The following INPP5A variants were observed in gnomAD, a reference collection of about 807,000 sequenced individuals.
INPP5A encodes the protein inositol polyphosphate-5-phosphatase A, also known as 43 kDa inositol polyphosphate 5-phophatase.
In INPP5A, 14 loss-of-function variants were observed where a neutral mutation model predicts 65.2. That is an observed-to-expected ratio of 0.21 (90% confidence interval 0.14 to 0.34). The LOEUF (loss-of-function observed/expected upper bound fraction) is 0.34. Among genes scored for constraint, INPP5A ranks in the 10% least tolerant of loss-of-function variants. The pLI is 1.00. For missense variants in INPP5A, 431 were observed against 545.6 expected, an observed-to-expected ratio of 0.79 and a Z score of 2.09; for synonymous variants, 207 against 208.3, an observed-to-expected ratio of 0.99 and a Z score of 0.05.
rs2071808171 is a variant in INPP5A, at chr10:132,603,990, GT to G, written c.76-3924del. ...CCTGCGCCGTCAGGGTCCCCTCTCCGTCCCGCCCTGTGCCGTCAGGGTCCCC... is the reference window on the plus strand; with the variant it reads ...CCTGCGCCGTCAGGGTCCCCTCTCCGCCCGCCCTGTGCCGTCAGGGTCCCC... On this transcript the variant is annotated intron_variant, in intron 1 of 15. Coordinates refer to ENST00000368594, the MANE Select transcript of INPP5A (RefSeq NM_005539.5). This position sits in a 1 kb window ranked among gnomAD's most constrained non-coding sequence, Gnocchi z 4.2. Among the ~76,000 whole-genome samples, 7 of 135,706 alleles carry G rather than the reference GT, an allele frequency of 5.2e-5. No homozygotes were observed. Among genetic ancestry groups the G allele is most frequent in the African/African-American group, 1.9e-4 (7 of 36,014 alleles). 89.0% of individuals were successfully genotyped at this position (135,706 alleles called of 152,430 possible).
intron 1 of INPP5A, among the ~76,000 whole-genome samples, chr10:132,602,419 G>A (rs2786903): frequency 0.017 from 2,581 of 151,778 alleles, 75 homozygotes; most frequent in African/African-American, 0.058. Context: ...CTCAGCTCCC[G>A]AGTAGCTGGG....
rs1400919559 is a variant in INPP5A at position 132,782,457 on chromosome 10, G to A, written c.*428G>A. ...TCCAGGGGCTGGGGAAGCCGAGACG[G>A]GCACTCCCTCTGCCGGCCGGCAGCG... On this transcript the variant is annotated 3_prime_UTR_variant, in exon 16 of 16. Transcript: ENST00000368594. The surrounding 1 kb of genome is among the most constrained non-coding windows in gnomAD (Gnocchi z 4.4). 1 of 208,600 alleles carries A rather than the reference G, an allele frequency of 4.8e-6. No homozygotes were observed. Among genetic ancestry groups the A allele is most frequent in the Non-Finnish European group, 9.8e-6 (1 of 101,962 alleles). The allele number at this position is 208,600 out of a possible 1,614,324, so 12.9% of individuals were successfully genotyped here. A position where few individuals can be genotyped will look rare whatever the true frequency, so the allele number is the denominator to read the frequency against.
chr10:132,646,600 G>A lies in INPP5A; in HGVS notation c.218+632G>A, dbSNP rs564432129. Among the ~76,000 whole-genome samples the A allele has an allele frequency of 2.6e-5, 4 of 152,304 alleles. No individual in the cohort carries two copies. The South Asian group carries it at 8.3e-4, about 32-fold the overall frequency. The stretch of plus-strand genomic sequence containing the variant: ...GCTGTATTTTCCCGAGGCCGCAGCC[G>A]TGAAGCCCGCCCTCTGTGTCCCCTA... On this transcript the variant is annotated intron_variant, in intron 3 of 15. Coordinates refer to ENST00000368594, the MANE Select transcript of INPP5A (RefSeq NM_005539.5).
At chr10:132,640,102 G>A (rs1564944729) in intron 2 of INPP5A, among the ~76,000 whole-genome samples, 1 of 152,250 alleles carries the variant, frequency 6.6e-6, no homozygotes, top group African/African-American at 2.4e-5. Flanking sequence ...TGTGGGCCAT[G>A]TTTTCAGATT....
At chr10:132,590,381 G>A (rs1443730496) in intron 1 of INPP5A, among the ~76,000 whole-genome samples, 2 of 152,154 alleles carry the variant, frequency 1.3e-5, no homozygotes, top group African/African-American at 2.4e-5. Context: ...CACTGTCCGC[G>A]CTAGGAGTGC....
chr10:132,716,808 A>G (rs3793669), intron 8 of INPP5A, among the ~76,000 whole-genome samples: 19,328 of 152,240 alleles, frequency 0.13, 1,451 homozygotes, highest in Middle Eastern at 0.19. Flanking sequence ...TAAAATGGCG[A>G]TGCTCCGTGT....
intron 9 of INPP5A, among the ~76,000 whole-genome samples, chr10:132,731,542 C>T (rs1261298318): frequency 1.3e-5 from 2 of 152,218 alleles, no homozygotes; most frequent in Non-Finnish European, 2.9e-5. Flanking sequence ...TCGTATCAGA[C>T]GCAGGTGTTT....
In INPP5A at chr10:132,704,758, C is replaced by G. The variant is rs776625524; in HGVS notation, c.475-3555C>G. ...GGGAGATGGAGGAAGGGCGTCTAGT[C>G]AGGCAGCAGGCAGCTCCTCTGGAGT... On this transcript the variant is annotated intron_variant, in intron 6 of 15. Transcript: ENST00000368594. This position sits in a 1 kb window ranked among gnomAD's most constrained non-coding sequence, Gnocchi z 4.5. 6.6e-6 allele frequency among the ~76,000 whole-genome samples: 1 copy of G among 152,042 alleles called. No homozygotes were observed. The highest frequency in any genetic ancestry group is 1.5e-5 in the Non-Finnish European group (1 of 68,020).
At chr10:132,563,952 A>G (rs1303776442) in intron 1 of INPP5A, among the ~76,000 whole-genome samples, 1 of 152,094 alleles carries the variant, frequency 6.6e-6, no homozygotes, top group African/African-American at 2.4e-5. Context: ...AGCGGGAGCA[A>G]AGTCGTCCTG....
intron 2 of INPP5A, among the ~76,000 whole-genome samples, chr10:132,640,237 T>C (rs1281116278): frequency 1.3e-5 from 2 of 152,254 alleles, no homozygotes; most frequent in East Asian, 1.9e-4. Flanking sequence ...CTCAGTCTCA[T>C]GCTGGGTGCT....
chr10:132,670,886 A>G (rs1023986465), intron 4 of INPP5A, among the ~76,000 whole-genome samples: 3 of 126,774 alleles, frequency 2.4e-5, no homozygotes, highest in Non-Finnish European at 3.2e-5. Flanking sequence ...ATGGATATTC[A>G]TGTGGTCAGG....
At chr10:132,558,455 A>G (rs536311464) in intron 1 of INPP5A, among the ~76,000 whole-genome samples, 12 of 152,320 alleles carry the variant, frequency 7.9e-5, no homozygotes, top group African/African-American at 2.6e-4. Context: ...AGCCACGTCC[A>G]CGTCGGCTCC....
chr10:132,723,189 T>A (rs754013836), intron 8 of INPP5A, among the ~76,000 whole-genome samples: 2 of 152,170 alleles, frequency 1.3e-5, no homozygotes, highest in Non-Finnish European at 2.9e-5. Flanking sequence ...GCCCACCTGG[T>A]GCGTCGCCTG....
At chr10:132,712,386 T>C (rs1845654821) in intron 8 of INPP5A, among the ~76,000 whole-genome samples, 1 of 151,296 alleles carries the variant, frequency 6.6e-6, no homozygotes. Context: ...TGTGGATGCT[T>C]GTGTGTGCAT....
intron 14 of INPP5A, 129 bp downstream of exon 14, chr10:132,781,046 T>C: frequency 1.4e-6 from 1 of 689,844 alleles, no homozygotes; most frequent in Non-Finnish European, 2.6e-6. Context: ...GGCCAGTCTC[T>C]CCTCTCCTGT....
chr10:132,565,567 G>A (rs1044657344), intron 1 of INPP5A, among the ~76,000 whole-genome samples: 3 of 152,176 alleles, frequency 2.0e-5, no homozygotes, highest in Non-Finnish European at 2.9e-5. Flanking sequence ...GTATGTGTGC[G>A]TATGTCTGTA....
intron 2 of INPP5A, among the ~76,000 whole-genome samples, chr10:132,613,995 T>C (rs771206225): frequency 6.6e-6 from 1 of 152,240 alleles, no homozygotes; most frequent in Non-Finnish European, 1.5e-5. Context: ...AGAAACCCTT[T>C]CTGTAAAACT....
chr10:132,543,548 C>CG (rs1418143490), intron 1 of INPP5A, among the ~76,000 whole-genome samples: 2 of 152,206 alleles, frequency 1.3e-5, no homozygotes, highest in African/African-American at 4.8e-5. Context: ...TCCTGAATAA[C>CG]GGGGACTACA....
At chr10:132,633,723 G>A (rs963493845) in intron 2 of INPP5A, among the ~76,000 whole-genome samples, 3 of 152,236 alleles carry the variant, frequency 2.0e-5, no homozygotes, top group African/African-American at 7.2e-5. Flanking sequence ...CCTGGGGGTG[G>A]CTTTGCGCAG....
Sources: allele counts gnomAD v4.1 joint callset (sites outside exome capture counted in the v4.1 genomes callset), GRCh38; gene constraint gnomAD v4.1.1; non-coding constraint Gnocchi (gnomAD v3.1); transcripts MANE v1.5; gene names NCBI Gene and HGNC (gene_info 2026-07-23, HGNC 2026-07-21).